Variants in ADGRL3 observed in about 807,000 individuals in gnomAD.
The protein encoded by ADGRL3 is adhesion G protein-coupled receptor L3.
In ADGRL3, 62 loss-of-function variants were observed where a neutral mutation model predicts 153.5. The observed-to-expected ratio is 0.40, with a 90% CI of 0.33 to 0.50. The LOEUF is 0.50. ADGRL3 is among the 20% of genes least tolerant of loss of function. ADGRL3 has a pLI of 0.47. For synonymous variants in ADGRL3, 710 were observed against 672.5 expected (o/e 1.06, Z -0.86); for missense variants, 1,641 against 1,859.4 (o/e 0.88, Z 2.16).
chr4:61,366,660 A>C (rs145074884), intron 1 of ADGRL3, among the ~76,000 whole-genome samples: 130 of 152,302 alleles, frequency 8.5e-4, no homozygotes, highest in African/African-American at 2.5e-3. Context: ...TTTGCTATTT[A>C]ATATTTAGGT....
chr4:61,356,737 G>A (rs1479488440), intron 1 of ADGRL3, among the ~76,000 whole-genome samples: 1 of 151,972 alleles, frequency 6.6e-6, no homozygotes, highest in Admixed American at 6.6e-5. Context: ...TAAACAAAAT[G>A]GCTTGGAAAT....
chr4:62,066,172 C>T (rs778288461), intron 25 of ADGRL3, among the ~76,000 whole-genome samples: 1 of 151,998 alleles, frequency 6.6e-6, no homozygotes, highest in Non-Finnish European at 1.5e-5. Context: ...TGGTGATTGT[C>T]ATATTGCTAC....
intron 4 of ADGRL3, among the ~76,000 whole-genome samples, chr4:61,545,461 A>G (rs993265022): frequency 3.3e-5 from 5 of 152,104 alleles, no homozygotes; most frequent in African/African-American, 1.2e-4. Context: ...GGATTTCCAG[A>G]CTGCTCATTA....
At chr4:61,650,598 T>C (rs1463007584) in intron 5 of ADGRL3, among the ~76,000 whole-genome samples, 1 of 152,136 alleles carries the variant, frequency 6.6e-6, no homozygotes, top group Non-Finnish European at 1.5e-5. Flanking sequence ...TTATTTTCTT[T>C]AAATATATTT....
chr4:61,509,688 T>A (rs1315201232), intron 3 of ADGRL3, among the ~76,000 whole-genome samples: 1 of 152,134 alleles, frequency 6.6e-6, no homozygotes, highest in Non-Finnish European at 1.5e-5. Context: ...TTGGGTTGAT[T>A]CCATGTCTTT....
intron 2 of ADGRL3, among the ~76,000 whole-genome samples, chr4:61,392,361 A>T (rs933057558): frequency 6.6e-6 from 1 of 151,970 alleles, no homozygotes; most frequent in Non-Finnish European, 1.5e-5. Flanking sequence ...TTCAGAATTT[A>T]CACGCATAAA....
intron 3 of ADGRL3, among the ~76,000 whole-genome samples, chr4:61,511,827 T>G (rs1193271095): frequency 3.3e-5 from 5 of 152,200 alleles, no homozygotes; most frequent in Admixed American, 3.3e-4. Flanking sequence ...GTGTTAGGAC[T>G]TTCATGCTGC....
At chr4:62,056,444 A>G (rs1737028072) in intron 25 of ADGRL3, among the ~76,000 whole-genome samples, 1 of 151,992 alleles carries the variant, frequency 6.6e-6, no homozygotes, top group Admixed American at 6.6e-5. Context: ...CAGTGCAGAC[A>G]TGTGAATGTG....
chr4:62,069,452 G>T (rs540846985), intron 26 of ADGRL3, among the ~76,000 whole-genome samples: 226 of 152,028 alleles, frequency 1.5e-3, no homozygotes, highest in African/African-American at 5.3e-3. Context: ...AAATTCCTCG[G>T]TGTAAATTCT....
intron 9 of ADGRL3, among the ~76,000 whole-genome samples, chr4:61,826,259 G>C (rs775854804): frequency 6.6e-6 from 1 of 152,138 alleles, no homozygotes; most frequent in Non-Finnish European, 1.5e-5. Flanking sequence ...GAATGAAAGT[G>C]AGTTGGCCAT....
intron 24 of ADGRL3, among the ~76,000 whole-genome samples, chr4:62,041,951 G>T (rs773422147): frequency 4.6e-5 from 7 of 152,042 alleles, no homozygotes; most frequent in Non-Finnish European, 8.8e-5. Context: ...TGTGCCATCA[G>T]ACATGTTCAT....
intron 5 of ADGRL3, among the ~76,000 whole-genome samples, chr4:61,637,970 T>A (rs916240339): frequency 2.6e-5 from 4 of 152,174 alleles, no homozygotes; most frequent in African/African-American, 9.7e-5. Context: ...ACAGACTGGA[T>A]AATAACTGTC....
intron 8 of ADGRL3, among the ~76,000 whole-genome samples, chr4:61,766,435 G>T (rs929921213): frequency 1.3e-5 from 2 of 152,156 alleles, no homozygotes; most frequent in African/African-American, 4.8e-5. Context: ...TGTTTGGACA[G>T]AAAGGCTACA....
At chr4:62,055,794 G>A (rs1352301558) in intron 25 of ADGRL3, among the ~76,000 whole-genome samples, 1 of 151,428 alleles carries the variant, frequency 6.6e-6, no homozygotes, top group Non-Finnish European at 1.5e-5. Flanking sequence ...TGTTGATATT[G>A]TTTTGCTACA....
intron 5 of ADGRL3, among the ~76,000 whole-genome samples, chr4:61,601,143 T>G (rs2099009945): frequency 6.6e-6 from 1 of 152,154 alleles, no homozygotes; most frequent in African/African-American, 2.4e-5. Context: ...ACTTTAAAAT[T>G]ATCTCTCTAT....
At chr4:61,371,557 C>A (rs1165101341) in intron 1 of ADGRL3, among the ~76,000 whole-genome samples, 8 of 151,770 alleles carry the variant, frequency 5.3e-5, no homozygotes, top group Non-Finnish European at 8.8e-5. Context: ...TGAATATTGG[C>A]CCCCACTCTC....
chr4:61,802,697 A>G (rs2097512727), intron 8 of ADGRL3, among the ~76,000 whole-genome samples: 2 of 152,076 alleles, frequency 1.3e-5, no homozygotes, highest in Non-Finnish European at 2.9e-5. Flanking sequence ...CCCTTCCCCA[A>G]ACAATTTAAA....
At chr4:61,446,604 T>C (rs778513027) in intron 2 of ADGRL3, among the ~76,000 whole-genome samples, 14 of 152,184 alleles carry the variant, frequency 9.2e-5, no homozygotes, top group Non-Finnish European at 2.1e-4. Flanking sequence ...GTTGCCTTGA[T>C]TGTCCAGGTG....
intron 2 of ADGRL3, among the ~76,000 whole-genome samples, chr4:61,471,242 T>C (rs1377859432): frequency 6.6e-6 from 1 of 151,852 alleles, no homozygotes; most frequent in Non-Finnish European, 1.5e-5. Flanking sequence ...TCCATGGAAC[T>C]ATAAAGCTTT....
Sources: gnomAD v4.1 joint callset for allele counts (sites outside exome capture counted in the v4.1 genomes callset) on GRCh38, gnomAD v4.1.1 for gene constraint, MANE v1.5 for transcripts, NCBI Gene and HGNC (gene_info 2026-07-23, HGNC 2026-07-21) for gene names.